PSEN2: variants seen among roughly 807,000 people sequenced by gnomAD.
PSEN2 encodes presenilin-2.
Under a neutral mutation model 49.1 loss-of-function variants are expected in PSEN2, and 32 were observed. The observed-to-expected ratio is 0.65, with a 90% CI of 0.49 to 0.88. The LOEUF (loss-of-function observed/expected upper bound fraction) is 0.88, where lower values mean the gene tolerates loss of function less well. Among genes scored for constraint, PSEN2 ranks in the 40% least tolerant of loss-of-function variants. PSEN2 has a pLI of 0.00. For missense variants in PSEN2, 522 were observed against 586.9 expected, an observed-to-expected ratio of 0.89 and a Z score of 1.14; for synonymous variants, 255 against 244.0, an observed-to-expected ratio of 1.05 and a Z score of -0.42.
downstream of PSEN2, chr1:226,897,693 A>T (rs114893547): frequency 6.4e-6 from 1 of 155,486 alleles, no homozygotes; most frequent in Non-Finnish European, 1.5e-5. Context: ...TAACCCGTCA[A>T]CTAATATCTT....
chr1:226,891,950 C>T, intron 11 of PSEN2, 106 bp downstream of exon 11: 5 of 952,550 alleles, frequency 5.2e-6, no homozygotes, highest in East Asian at 2.5e-5. Context: ...AGGGGAGGGG[C>T]CCCTTTTCCC....
chr1:226,896,803 A>G (rs544134519), downstream of PSEN2, among the ~76,000 whole-genome samples: 3 of 152,164 alleles, frequency 2.0e-5, no homozygotes, highest in South Asian at 4.2e-4. Context: ...TGAGGCTGCA[A>G]TGAGCCGAGA....
downstream of PSEN2, chr1:226,899,013 A>G (rs997678078): frequency 2.6e-5 from 4 of 152,166 alleles, no homozygotes; most frequent in Non-Finnish European, 5.9e-5. Context: ...TATATTCTGG[A>G]GAGATGCTAA....
downstream of PSEN2, among the ~76,000 whole-genome samples, chr1:226,897,286 G>GA (rs1454566296): frequency 3.3e-5 from 5 of 152,360 alleles, no homozygotes; most frequent in African/African-American, 9.6e-5. Context: ...GGTTTCCAAA[G>GA]ATGGGATTGG....
chr1:226,891,499 G>A (rs903480227), intron 10 of PSEN2, 138 bp downstream of exon 10: 4 of 800,068 alleles, frequency 5.0e-6, no homozygotes, highest in African/African-American at 1.7e-5. Context: ...AAAACCAGCC[G>A]GACACATGCG....
chr1:226,880,635 C>T, intron 3 of PSEN2: 1 of 1,504,248 alleles, frequency 6.6e-7, no homozygotes, highest in Admixed American at 1.9e-5. Flanking sequence ...CAGCCTCTGT[C>T]CCCGTCTGAG....
downstream of PSEN2, among the ~76,000 whole-genome samples, chr1:226,900,359 C>G (rs1382731599): frequency 1.3e-5 from 2 of 152,148 alleles, no homozygotes; most frequent in Non-Finnish European, 2.9e-5. Context: ...TCCATGTGCA[C>G]CCCCCTGCCC....
Position 226,881,956 on chromosome 1 carries a change from C to G in PSEN2, c.49C>G (p.Arg17Gly). Residue 17 changes from arginine to glycine, a missense_variant, in exon 4 of 13, where the codon CGG (arginine) becomes GGG (glycine). Arg to Gly is a moderately radical substitution (Grantham distance 125, BLOSUM62 -2). Transcript: ENST00000366783. ...SDSEEEVCDE[R>G]TSLMSAESPT... is the part of the protein sequence containing the mutation. Reference sequence around the variant, plus strand: ...CAGCGAGGAAGAAGTGTGTGATGAGCGGACGTCCCTAATGTCGGCTGAGAG... The same window carrying G: ...CAGCGAGGAAGAAGTGTGTGATGAGGGGACGTCCCTAATGTCGGCTGAGAG... 6.2e-7 allele frequency: 1 copy of G among 1,614,060 alleles called. No homozygotes were observed. Among genetic ancestry groups the G allele is most frequent in the Non-Finnish European group, 8.5e-7 (1 of 1,179,960 alleles).
chr1:226,888,461 A>G (rs1417609143), intron 7 of PSEN2, among the ~76,000 whole-genome samples: 1 of 152,150 alleles, frequency 6.6e-6, no homozygotes, highest in Non-Finnish European at 1.5e-5. Context: ...TTACATTCTG[A>G]TTTTTAGGCT....
intron 6 of PSEN2, among the ~76,000 whole-genome samples, chr1:226,886,414 T>C (rs1661367972): frequency 6.6e-6 from 1 of 152,172 alleles, no homozygotes; most frequent in Admixed American, 6.5e-5. Context: ...TGTAGCTGCC[T>C]ATAGCTGCCG....
At chr1:226,901,601 T>C (rs1166260405), downstream of PSEN2, among the ~76,000 whole-genome samples, 1 of 151,982 alleles carries the variant, frequency 6.6e-6, no homozygotes, top group Non-Finnish European at 1.5e-5. Context: ...CATGTGTGTG[T>C]GAAGTGGTGT....
chr1:226,895,466 G>T lies in PSEN2; in HGVS notation c.1234G>T (p.Ala412Ser), dbSNP rs1028051676. The change falls in exon 13 of 13, where the codon GCG (alanine) becomes TCG (serine). Residue 412 changes from alanine to serine, a missense_variant. Transcript: ENST00000366783. Reference sequence around the variant, plus strand: ...CCTGCTGCTTGCTGTGTTCAAGAAGGCGCTGCCCGCCCTCCCCATCTCCAT... The same window carrying T: ...CCTGCTGCTTGCTGTGTTCAAGAAGTCGCTGCCCGCCCTCCCCATCTCCAT... ...TLLLLAVFKK[A>S]LPALPISITF... The T allele has an allele frequency of 1.2e-6, 2 of 1,613,886 alleles. No individual in the cohort carries two copies. Among genetic ancestry groups the T allele is most frequent in the African/African-American group, 1.3e-5 (1 of 74,868 alleles).
At chr1:226,871,705 T>A (rs1660307567) in intron 2 of PSEN2, among the ~76,000 whole-genome samples, 1 of 152,214 alleles carries the variant, frequency 6.6e-6, no homozygotes, top group Non-Finnish European at 1.5e-5. Context: ...CTCTGATGCC[T>A]CTGTAGCCAA....
chr1:226,891,392 A>C, intron 10 of PSEN2, 31 bp downstream of exon 10: 22 of 1,578,986 alleles, frequency 1.4e-5, no homozygotes, highest in Non-Finnish European at 1.8e-5. Context: ...ACAGCCTCTC[A>C]TCACTGGGGG....
In PSEN2 at chr1:226,888,937, G is replaced by T. The variant is rs764165210; in HGVS notation, c.675G>T (p.Leu225=). ...GMVCIHWKGP[L]VLQQAYLIMI... ...TGTGCATCCACTGGAAGGGCCCTCTGGTGCTGCAGCAGGCCTACCTCATCA... is the reference window on the plus strand; with the variant it reads ...TGTGCATCCACTGGAAGGGCCCTCTTGTGCTGCAGCAGGCCTACCTCATCA... The change falls in exon 8 of 13, where the codon CTG becomes CTT. Residue 225 remains leucine (L), a synonymous_variant. Transcript: ENST00000366783. 6.2e-7 allele frequency: 1 copy of T among 1,614,200 alleles called. No individual in the cohort carries two copies. Among genetic ancestry groups the T allele is most frequent in the Non-Finnish European group, 8.5e-7 (1 of 1,180,018 alleles).
At position 226,895,437 on chromosome 1, in the gene PSEN2, C is replaced by T. The variant is rs746930366; in HGVS notation, c.1205C>T (p.Thr402Ile). Reference protein sequence around the residue: ...FVAILIGLCLTLLLLAVFKKA... With the variant: ...FVAILIGLCLILLLLAVFKKA... Reference sequence around the variant, plus strand: ...CATGTCCTGCAGGGCTTGTGTCTGACCCTCCTGCTGCTTGCTGTGTTCAAG... The same window carrying T: ...CATGTCCTGCAGGGCTTGTGTCTGATCCTCCTGCTGCTTGCTGTGTTCAAG... Residue 402 changes from threonine to isoleucine, a missense_variant, in exon 13 of 13, where the codon ACC becomes ATC. Thr to Ile is a moderately conservative substitution (Grantham distance 89). Transcript: ENST00000366783. 1.2e-6 allele frequency: 2 copies of T among 1,614,072 alleles called. No individual in the cohort carries two copies. Among genetic ancestry groups the T allele is most frequent in the South Asian group, 2.2e-5 (2 of 91,064 alleles).
rs200332829 is a variant in PSEN2, at chr1:226,889,015, C to T, written c.753C>T (p.Ser251=). ...TCATCAAGTACCTCCCAGAGTGGTC[C>T]GCGTGGGTCATCCTGGGCGCCATCT... The part of the protein sequence containing the change: ...LVFIKYLPEW[S]AWVILGAISV... Residue 251 remains serine (S), a synonymous_variant, in exon 8 of 13, where the codon TCC becomes TCT. Transcript: ENST00000366783. 90 of 1,614,094 alleles carry T rather than the reference C, an allele frequency of 5.6e-5. No homozygotes were observed. The highest frequency in any genetic ancestry group is 5.5e-4 in the African/African-American group (41 of 75,030).
chr1:226,879,360 G>A (rs1660833483), intron 3 of PSEN2, among the ~76,000 whole-genome samples: 1 of 152,198 alleles, frequency 6.6e-6, no homozygotes, highest in Non-Finnish European at 1.5e-5. Context: ...GGTACTCTGA[G>A]TGAAGAGGGA....
At chr1:226,880,823 C>T in intron 3 of PSEN2, 3 of 1,574,662 alleles carry the variant, frequency 1.9e-6, no homozygotes, top group Non-Finnish European at 2.6e-6. Flanking sequence ...TTGGCCTTCC[C>T]CTGGGTCCCG....
Sources: gnomAD v4.1 joint callset for allele counts (sites outside exome capture counted in the v4.1 genomes callset) on GRCh38, gnomAD v4.1.1 for gene constraint, MANE v1.5 for transcripts, NCBI Gene and HGNC (gene_info 2026-07-23, HGNC 2026-07-21) for gene names.